The following CCDC148 variants were observed in gnomAD, a reference collection of about 807,000 sequenced individuals.
CCDC148 encodes coiled-coil domain containing 148.
A neutral mutation model predicts 85.7 loss-of-function variants in CCDC148; 89 were observed. That is an observed-to-expected ratio of 1.04 (90% CI 0.87 to 1.24). CCDC148 has a LOEUF of 1.24. CCDC148 is among the 50% of genes most tolerant of loss of function. The pLI is 0.00. For missense variants in CCDC148, 692 were observed against 671.7 expected, an observed-to-expected ratio of 1.03 and a Z score of -0.33; for synonymous variants, 230 against 213.9, an observed-to-expected ratio of 1.08 and a Z score of -0.66.
chr2:158,348,450 T>G (rs889161914), intron 2 of CCDC148, among the ~76,000 whole-genome samples: 2 of 150,796 alleles, frequency 1.3e-5, no homozygotes, highest in African/African-American at 4.9e-5. Flanking sequence ...AAAAAAAAAG[T>G]ATAATGTACA....
At chr2:158,230,595 T>C (rs140900425) in intron 10 of CCDC148, among the ~76,000 whole-genome samples, 31 of 152,248 alleles carry the variant, frequency 2.0e-4, no homozygotes, top group African/African-American at 7.2e-4. Flanking sequence ...CAGGATTTAA[T>C]TCTAGAAACA....
intron 9 of CCDC148, among the ~76,000 whole-genome samples, chr2:158,277,344 G>C (rs1390065231): frequency 6.6e-6 from 1 of 152,138 alleles, no homozygotes; most frequent in Non-Finnish European, 1.5e-5. Context: ...AGGTGATAAT[G>C]ACCATTCCTG....
At chr2:158,387,890 G>A (rs1486574444) in intron 1 of CCDC148, among the ~76,000 whole-genome samples, 1 of 152,166 alleles carries the variant, frequency 6.6e-6, no homozygotes, top group Non-Finnish European at 1.5e-5. Flanking sequence ...GTGAAGGTCA[G>A]CCTTCCTAAA....
chr2:158,264,079 T>TA (rs1209859558), intron 9 of CCDC148, among the ~76,000 whole-genome samples: 1 of 151,886 alleles, frequency 6.6e-6, no homozygotes, highest in Non-Finnish European at 1.5e-5. Flanking sequence ...ACTTTTTTTT[T>TA]AATGAGAATA....
chr2:158,229,244 C>T (rs1687729139), intron 10 of CCDC148, among the ~76,000 whole-genome samples: 1 of 152,146 alleles, frequency 6.6e-6, no homozygotes, highest in Admixed American at 6.5e-5. Context: ...AGAACCTGCC[C>T]TACCCACTTC....
rs909934037 is a variant in CCDC148, at chr2:158,171,494, A to G, written c.*619T>C. The G allele has an allele frequency of 3.3e-5, 5 of 151,896 alleles. No homozygotes were observed. The highest frequency in any genetic ancestry group is 1.3e-4 in the Admixed American group (2 of 15,208). The allele number at this position is 151,896 out of a possible 1,614,324, so 9.4% of individuals were successfully genotyped here. On this transcript the variant is annotated 3_prime_UTR_variant, in exon 14 of 14. Transcript: ENST00000283233. ...AATATTTCTTCTAAACAATCACACA[A>G]ATATATATATTTCCAAACCAAAACA...
At chr2:158,453,560 C>T (rs998239563) in intron 1 of CCDC148, among the ~76,000 whole-genome samples, 3 of 152,086 alleles carry the variant, frequency 2.0e-5, no homozygotes, top group South Asian at 2.1e-4. Flanking sequence ...TCAGTATTGG[C>T]GTACTTTTTG....
intron 10 of CCDC148, among the ~76,000 whole-genome samples, chr2:158,239,537 C>T (rs938318489): frequency 6.6e-5 from 10 of 151,606 alleles, no homozygotes; most frequent in Admixed American, 1.3e-4. Flanking sequence ...AAGAGTTGAC[C>T]GTGTGCTCAG....
chr2:158,362,213 A>G (rs1683982863), intron 1 of CCDC148, among the ~76,000 whole-genome samples: 1 of 152,166 alleles, frequency 6.6e-6, no homozygotes, highest in South Asian at 2.1e-4. Context: ...TTAGACTCCC[A>G]CACAATAATA....
At chr2:158,398,903 A>G (rs1030369244) in intron 1 of CCDC148, among the ~76,000 whole-genome samples, 3 of 152,202 alleles carry the variant, frequency 2.0e-5, no homozygotes, top group Admixed American at 6.5e-5. Context: ...AAGAAAAAAG[A>G]GAATAATCAA....
In CCDC148 at chr2:158,389,206, A is replaced by C. The variant is rs1011798395; in HGVS notation, c.26-30636T>G. Among the ~76,000 whole-genome samples, 7 of 152,326 alleles carry C rather than the reference A, an allele frequency of 4.6e-5. No individual in the cohort carries two copies. The South Asian group carries it at 1.4e-3, about 32-fold the overall frequency. On this transcript the variant is annotated intron_variant, in intron 1 of 13. Transcript: ENST00000283233. ...CTCACAGCATATGTTGGTGGTCCCCAATATGAGAAACACGTTTGTATAACA... is the reference window on the plus strand; with the variant it reads ...CTCACAGCATATGTTGGTGGTCCCCCATATGAGAAACACGTTTGTATAACA...
At chr2:158,263,988 A>C (rs1238504341) in intron 9 of CCDC148, among the ~76,000 whole-genome samples, 3 of 151,898 alleles carry the variant, frequency 2.0e-5, no homozygotes, top group Admixed American at 6.6e-5. Flanking sequence ...TACTCCTCAA[A>C]GGTCTGATAT....
intron 1 of CCDC148, among the ~76,000 whole-genome samples, chr2:158,398,217 A>G (rs1559119728): frequency 6.6e-6 from 1 of 152,090 alleles, no homozygotes. Context: ...AGACAGATCA[A>G]CAAGACAGAA....
intron 11 of CCDC148, among the ~76,000 whole-genome samples, chr2:158,208,515 C>T (rs943826066): frequency 2.0e-5 from 3 of 152,086 alleles, no homozygotes; most frequent in Non-Finnish European, 4.4e-5. Flanking sequence ...GAAGCAGGGC[C>T]TGTCGAGGAG....
intron 11 of CCDC148, among the ~76,000 whole-genome samples, chr2:158,215,894 C>A (rs1686825948): frequency 6.6e-6 from 1 of 152,086 alleles, no homozygotes; most frequent in African/African-American, 2.4e-5. Flanking sequence ...ACTCTCTTCA[C>A]CATGTGAAGT....
chr2:158,450,511 C>A (rs1301478963), intron 1 of CCDC148, among the ~76,000 whole-genome samples: 1 of 152,190 alleles, frequency 6.6e-6, no homozygotes. Context: ...CAGTAATTAG[C>A]ACACTTCCAA....
intron 1 of CCDC148, among the ~76,000 whole-genome samples, chr2:158,420,572 G>C (rs1686725643): frequency 6.6e-6 from 1 of 152,024 alleles, no homozygotes; most frequent in Admixed American, 6.6e-5. Flanking sequence ...TGCCTTACAA[G>C]AGCTCCCAAA....
chr2:158,412,421 T>G (rs556305269), intron 1 of CCDC148, among the ~76,000 whole-genome samples: 40 of 152,290 alleles, frequency 2.6e-4, no homozygotes, highest in African/African-American at 9.6e-4. Context: ...ATGAAGGTAT[T>G]CTTTAAATCA....
intron 2 of CCDC148, among the ~76,000 whole-genome samples, chr2:158,355,873 A>C (rs1360630475): frequency 7.4e-6 from 1 of 134,236 alleles, no homozygotes; most frequent in African/African-American, 3.4e-5. Context: ...TACTGGTACC[A>C]AAACAGAGAT....
Sources: allele counts gnomAD v4.1 joint callset (sites outside exome capture counted in the v4.1 genomes callset), GRCh38; gene constraint gnomAD v4.1.1; transcripts MANE v1.5; gene names NCBI Gene and HGNC (gene_info 2026-07-23, HGNC 2026-07-21).